TNFSF4: variants seen among roughly 807,000 people sequenced by gnomAD.
TNFSF4 encodes the protein TNF superfamily member 4, also known as tumor necrosis factor ligand superfamily member 4.
A neutral mutation model predicts 7.3 loss-of-function variants in TNFSF4; 4 were observed. That is an observed-to-expected ratio of 0.55 (90% CI 0.27 to 1.25). The LOEUF is 1.25. Ranked by LOEUF, TNFSF4 falls within the 50% of genes most tolerant of loss-of-function variation. The pLI is 0.12. For missense variants in TNFSF4, 181 were observed against 208.8 expected (o/e 0.87, Z 0.82); for synonymous variants, 76 against 83.7 (o/e 0.91, Z 0.50).
At chr1:173,255,936 T>G in the TNFSF4 span, among the ~76,000 whole-genome samples, 1 of 152,250 alleles carries the variant, frequency 6.6e-6, no homozygotes, top group South Asian at 2.1e-4. Flanking sequence ...TTTATTTGGG[T>G]GTTATTCAAA....
the TNFSF4 span, among the ~76,000 whole-genome samples, chr1:173,297,556 G>T: frequency 6.6e-6 from 1 of 151,948 alleles, no homozygotes; most frequent in Non-Finnish European, 1.5e-5. Context: ...AGCTCCCAGA[G>T]ATGGAGGCCA....
At chr1:173,360,423 T>C in the TNFSF4 span, among the ~76,000 whole-genome samples, 1 of 152,222 alleles carries the variant, frequency 6.6e-6, no homozygotes, top group African/African-American at 2.4e-5. Flanking sequence ...AAGCATGTTG[T>C]TAAAATAAAT....
At chr1:173,212,029 C>T (rs1407859496), upstream of TNFSF4, among the ~76,000 whole-genome samples, 1 of 152,118 alleles carries the variant, frequency 6.6e-6, no homozygotes, top group Non-Finnish European at 1.5e-5. Context: ...TTGTGAGGGC[C>T]TCATGGTGCT....
the TNFSF4 span, among the ~76,000 whole-genome samples, chr1:173,429,596 C>G: frequency 3.3e-5 from 5 of 152,200 alleles, no homozygotes; most frequent in Admixed American, 2.6e-4. Flanking sequence ...ACAGGCTACG[C>G]CACAACCTCC....
chr1:173,183,265 A>C (rs180937482), downstream of TNFSF4, among the ~76,000 whole-genome samples: 2 of 152,248 alleles, frequency 1.3e-5, no homozygotes, highest in Non-Finnish European at 2.9e-5. Flanking sequence ...GGGTGAGGTC[A>C]AAAAAGCTGG....
chr1:173,329,399 A>G, the TNFSF4 span, among the ~76,000 whole-genome samples: 1 of 152,212 alleles, frequency 6.6e-6, no homozygotes, highest in African/African-American at 2.4e-5. Context: ...TAGCCTGTAC[A>G]TGTTCAGTGC....
At chr1:173,294,193 A>G in the TNFSF4 span, among the ~76,000 whole-genome samples, 1 of 152,054 alleles carries the variant, frequency 6.6e-6, no homozygotes, top group Non-Finnish European at 1.5e-5. Flanking sequence ...GCAGACAGAT[A>G]GAATCAACCT....
intron 1 of TNFSF4, among the ~76,000 whole-genome samples, chr1:173,200,412 T>C (rs1284360366): frequency 6.6e-6 from 1 of 152,170 alleles, no homozygotes; most frequent in Non-Finnish European, 1.5e-5. Context: ...CATTGAATAA[T>C]ACCATTCAAC....
chr1:173,273,553 T>G, the TNFSF4 span, among the ~76,000 whole-genome samples: 1 of 152,128 alleles, frequency 6.6e-6, no homozygotes, highest in Non-Finnish European at 1.5e-5. Context: ...TGATAAGTGT[T>G]ATTGAGATAA....
the TNFSF4 span, among the ~76,000 whole-genome samples, chr1:173,218,963 G>C: frequency 6.6e-6 from 1 of 152,080 alleles, no homozygotes; most frequent in Non-Finnish European, 1.5e-5. Context: ...CATTTCCCTT[G>C]GGAATAGGGT....
At chr1:173,396,505 G>A in the TNFSF4 span, among the ~76,000 whole-genome samples, 1 of 152,106 alleles carries the variant, frequency 6.6e-6, no homozygotes, top group Admixed American at 6.6e-5. Context: ...GTGAGACCCT[G>A]CCTCAATACA....
the TNFSF4 span, among the ~76,000 whole-genome samples, chr1:173,233,024 C>T: frequency 6.6e-6 from 1 of 152,178 alleles, no homozygotes; most frequent in African/African-American, 2.4e-5. Flanking sequence ...GATGATCAAA[C>T]TTCTCCGAGC....
the TNFSF4 span, among the ~76,000 whole-genome samples, chr1:173,221,192 T>C: frequency 6.6e-6 from 1 of 152,184 alleles, no homozygotes; most frequent in Non-Finnish European, 1.5e-5. Flanking sequence ...AACTAAGTAA[T>C]AGGCCATAGC....
At chr1:173,320,450 T>A in the TNFSF4 span, among the ~76,000 whole-genome samples, 4 of 152,088 alleles carry the variant, frequency 2.6e-5, no homozygotes, top group African/African-American at 9.7e-5. Context: ...CCACTCCTAT[T>A]CAACATAGTA....
At chr1:173,311,130 G>C in the TNFSF4 span, among the ~76,000 whole-genome samples, 1 of 151,618 alleles carries the variant, frequency 6.6e-6, no homozygotes, top group Admixed American at 6.6e-5. Flanking sequence ...GATCAGATTG[G>C]GTCTTAATAT....
the TNFSF4 span, among the ~76,000 whole-genome samples, chr1:173,284,515 A>G: frequency 3.3e-5 from 5 of 152,340 alleles, no homozygotes; most frequent in Non-Finnish European, 5.9e-5. Context: ...ACTGTCTTCT[A>G]CTAGAAGGAG....
At chr1:173,264,417 A>T in the TNFSF4 span, among the ~76,000 whole-genome samples, 1 of 150,900 alleles carries the variant, frequency 6.6e-6, no homozygotes, top group Non-Finnish European at 1.5e-5. Flanking sequence ...GGCCTCCCAA[A>T]GTGTTGGGAT....
chr1:173,395,050 G>A, the TNFSF4 span, among the ~76,000 whole-genome samples: 1 of 149,194 alleles, frequency 6.7e-6, no homozygotes, highest in Non-Finnish European at 1.5e-5. Context: ...TAGATAGATA[G>A]ATAGATAGAT....
chr1:173,253,310 C>T, the TNFSF4 span, among the ~76,000 whole-genome samples: 3 of 152,026 alleles, frequency 2.0e-5, no homozygotes, highest in Non-Finnish European at 2.9e-5. Context: ...CATAAGTGAA[C>T]GAACTTAGAA....
Sources: allele counts gnomAD v4.1 joint callset (sites outside exome capture counted in the v4.1 genomes callset), GRCh38; gene constraint gnomAD v4.1.1; transcripts MANE v1.5; gene names NCBI Gene and HGNC (gene_info 2026-07-23, HGNC 2026-07-21).